FHIP1A: variants seen among roughly 807,000 people sequenced by gnomAD.
FHIP1A encodes the protein FHF complex subunit HOOK interacting protein 1A.
A neutral mutation model predicts 88.6 loss-of-function variants in FHIP1A; 61 were observed. The ratio of observed to expected loss-of-function variants is 0.69; its 90% confidence interval spans 0.56 to 0.85. FHIP1A has a LOEUF of 0.85. Among genes scored for constraint, FHIP1A ranks in the 40% least tolerant of loss-of-function variants. FHIP1A has a pLI of 0.00. For missense variants in FHIP1A, 1,154 were observed against 1,273.5 expected, an observed-to-expected ratio of 0.91 and a Z score of 1.43; for synonymous variants, 478 against 496.0, an observed-to-expected ratio of 0.96 and a Z score of 0.48.
At chr4:151,506,424 T>C (rs955367378) in intron 3 of FHIP1A, among the ~76,000 whole-genome samples, 1 of 152,096 alleles carries the variant, frequency 6.6e-6, no homozygotes, top group Admixed American at 6.5e-5. Context: ...TGAGGCCGAG[T>C]TATTTATAAA....
At chr4:151,420,358 T>TGGTGC (rs1733075581) in intron 1 of FHIP1A, among the ~76,000 whole-genome samples, 1 of 35,638 alleles carries the variant, frequency 2.8e-5, no homozygotes, top group Non-Finnish European at 7.1e-5. Flanking sequence ...TGAGCATTTC[T>TGGTGC]TCATGTGTTT....
intron 1 of FHIP1A, among the ~76,000 whole-genome samples, chr4:151,412,435 T>C (rs563922022): frequency 3.9e-5 from 6 of 152,150 alleles, no homozygotes; most frequent in Non-Finnish European, 8.8e-5. Context: ...GGGCATACTC[T>C]TTGCTCCTGT....
At chr4:151,576,620 G>A (rs1317583431) in intron 4 of FHIP1A, 4 of 152,076 alleles carry the variant, frequency 2.6e-5, no homozygotes, top group Non-Finnish European at 5.9e-5. Context: ...CAAACTTTAG[G>A]AATTTGTTTC....
intron 1 of FHIP1A, among the ~76,000 whole-genome samples, chr4:151,427,681 T>G (rs1253845946): frequency 6.6e-6 from 1 of 152,154 alleles, no homozygotes; most frequent in Non-Finnish European, 1.5e-5. Flanking sequence ...GAAGAGAACA[T>G]TTTGAACTTC....
chr4:151,664,283 G>A lies in FHIP1A; in HGVS notation c.*1529G>A, dbSNP rs1578880183. 6.6e-6 allele frequency among the ~76,000 whole-genome samples: 1 copy of A among 152,220 alleles called. No individual in the cohort carries two copies. Among genetic ancestry groups the A allele is most frequent in the Non-Finnish European group, 1.5e-5 (1 of 68,048 alleles). Reference sequence around the variant, plus strand: ...TAATCAGGCCTTTCATGCACAGGCAGGGCAGTGGCGGAAGAACCACACCTG... The same window carrying A: ...TAATCAGGCCTTTCATGCACAGGCAAGGCAGTGGCGGAAGAACCACACCTG... On this transcript the variant is annotated 3_prime_UTR_variant, in exon 14 of 14. Coordinates refer to ENST00000435205, the MANE Select transcript of FHIP1A (RefSeq NM_001109977.3).
intron 6 of FHIP1A, among the ~76,000 whole-genome samples, chr4:151,587,514 G>A (rs1225122490): frequency 3.7e-5 from 5 of 135,070 alleles, no homozygotes; most frequent in East Asian, 4.2e-4. Flanking sequence ...TTTTTTTCTC[G>A]GCCTTTTTTT....
intron 3 of FHIP1A, among the ~76,000 whole-genome samples, chr4:151,512,448 C>T (rs541308122): frequency 0.014 from 2,182 of 152,244 alleles, 59 homozygotes; most frequent in African/African-American, 0.05. Context: ...CAAAGCTGGA[C>T]GGAGAATGAC....
chr4:151,458,085 G>A (rs777321448), intron 2 of FHIP1A, among the ~76,000 whole-genome samples: 4 of 152,158 alleles, frequency 2.6e-5, no homozygotes, highest in Non-Finnish European at 5.9e-5. Flanking sequence ...TCACAGTAAA[G>A]GTAAATGTTA....
chr4:151,525,572 C>A (rs1337825874), intron 3 of FHIP1A, among the ~76,000 whole-genome samples: 3 of 152,092 alleles, frequency 2.0e-5, no homozygotes, highest in Admixed American at 2.0e-4. Flanking sequence ...TTCAAATTAC[C>A]CAGATTTCTA....
chr4:151,541,869 C>A (rs115421143), intron 3 of FHIP1A, among the ~76,000 whole-genome samples: 74 of 152,254 alleles, frequency 4.9e-4, no homozygotes, highest in African/African-American at 1.8e-3. Context: ...ACACTTTTGT[C>A]ACTTACTACA....
intron 1 of FHIP1A, among the ~76,000 whole-genome samples, chr4:151,438,142 A>G (rs561205424): frequency 6.6e-6 from 1 of 152,154 alleles, no homozygotes; most frequent in Admixed American, 6.5e-5. Flanking sequence ...TAAGATTTAC[A>G]TATGGGGCAC....
chr4:151,638,989 A>T (rs754780087), intron 9 of FHIP1A, among the ~76,000 whole-genome samples: 33 of 152,206 alleles, frequency 2.2e-4, no homozygotes, highest in Non-Finnish European at 4.1e-4. Flanking sequence ...CATATGCATT[A>T]TATTGTAAAT....
intron 3 of FHIP1A, among the ~76,000 whole-genome samples, chr4:151,539,818 T>C (rs975871047): frequency 7.2e-5 from 11 of 152,178 alleles, no homozygotes; most frequent in African/African-American, 2.7e-4. Flanking sequence ...TGATGAAATA[T>C]GTGTGTGAAA....
chr4:151,464,612 T>C (rs1183939911), intron 2 of FHIP1A, among the ~76,000 whole-genome samples: 1 of 152,180 alleles, frequency 6.6e-6, no homozygotes, highest in Non-Finnish European at 1.5e-5. Context: ...TGCTCCAAGT[T>C]CTTCCTCTGC....
At chr4:151,516,720 A>G (rs532097159) in intron 3 of FHIP1A, among the ~76,000 whole-genome samples, 1 of 152,340 alleles carries the variant, frequency 6.6e-6, no homozygotes, top group Admixed American at 6.5e-5. Context: ...ATTACTGGCT[A>G]TCAGAGAAAT....
intron 3 of FHIP1A, among the ~76,000 whole-genome samples, chr4:151,535,142 G>A (rs1732020045): frequency 6.6e-6 from 1 of 152,118 alleles, no homozygotes; most frequent in South Asian, 2.1e-4. Flanking sequence ...CTTGAGCCCC[G>A]GAAATCAAAG....
chr4:151,429,437 G>A (rs924625062), intron 1 of FHIP1A, among the ~76,000 whole-genome samples: 1 of 152,178 alleles, frequency 6.6e-6, no homozygotes, highest in African/African-American at 2.4e-5. Context: ...AAATCATCTA[G>A]GGAGGTTACC....
At chr4:151,430,352 T>C (rs1218140762) in intron 1 of FHIP1A, among the ~76,000 whole-genome samples, 5 of 152,266 alleles carry the variant, frequency 3.3e-5, no homozygotes, top group African/African-American at 1.2e-4. Context: ...AGTTCTATGC[T>C]TAAGAACAGT....
chr4:151,511,327 G>A (rs543740480), intron 3 of FHIP1A, among the ~76,000 whole-genome samples: 5 of 152,316 alleles, frequency 3.3e-5, no homozygotes, highest in African/African-American at 1.2e-4. Context: ...AATAGGAACC[G>A]CTCCGGTCTA....
Sources: gnomAD v4.1 joint callset for allele counts (sites outside exome capture counted in the v4.1 genomes callset) on GRCh38, gnomAD v4.1.1 for gene constraint, MANE v1.5 for transcripts, NCBI Gene and HGNC (gene_info 2026-07-23, HGNC 2026-07-21) for gene names.